The following MAST4 variants were observed in gnomAD, a reference collection of about 807,000 sequenced individuals.
The protein encoded by MAST4 is microtubule associated serine/threonine kinase family member 4, also known as microtubule-associated serine/threonine-protein kinase 4.
A neutral mutation model predicts 162.7 loss-of-function variants in MAST4; 89 were observed. The ratio of observed to expected loss-of-function variants is 0.55; its 90% CI spans 0.46 to 0.65. The LOEUF is 0.65. Ranked by LOEUF, MAST4 falls within the 30% of genes least tolerant of loss-of-function variation. The pLI, the probability that MAST4 is intolerant of heterozygous loss-of-function variation, is 0.00. For synonymous variants in MAST4, 1,479 were observed against 1,361.1 expected (o/e 1.09, Z -1.91); for missense variants, 3,153 against 3,374.0 (o/e 0.93, Z 1.62).
At chr5:66,982,029 A>G (rs1248180049) in intron 4 of MAST4, among the ~76,000 whole-genome samples, 1 of 152,220 alleles carries the variant, frequency 6.6e-6, no homozygotes, top group African/African-American at 2.4e-5. Context: ...GGGAATAGGT[A>G]GAATAGGTAG....
rs962786428 is a variant in MAST4 at position 66,931,016 on chromosome 5, C to T, written c.674+31034C>T. The T allele has an allele frequency of 3.2e-5, 6 of 185,108 alleles. No individual in the cohort carries two copies. In the Admixed American group the frequency reaches 3.5e-4, roughly 11 times the overall value. The allele number at this position is 185,108 out of a possible 1,614,324, so 11.5% of individuals were successfully genotyped here. A position where few individuals can be genotyped will look rare whatever the true frequency, so the allele number is the denominator to read the frequency against. On this transcript the variant is annotated intron_variant, in intron 4 of 28. Transcript: ENST00000403625. Reference sequence around the variant, plus strand: ...CTGCATCTTTGGATTTACAGCCCACCCTCAGAGATGAAGATTTTCTTGGAG... The same window carrying T: ...CTGCATCTTTGGATTTACAGCCCACTCTCAGAGATGAAGATTTTCTTGGAG...
At chr5:66,607,685 C>T (rs1232438980) in intron 1 of MAST4, among the ~76,000 whole-genome samples, 1 of 152,180 alleles carries the variant, frequency 6.6e-6, no homozygotes, top group Non-Finnish European at 1.5e-5. Context: ...ATCTGAACTC[C>T]TGCCTTGGCT....
chr5:66,812,779 T>C (rs1383625170), intron 3 of MAST4, among the ~76,000 whole-genome samples: 2 of 152,228 alleles, frequency 1.3e-5, no homozygotes, highest in Non-Finnish European at 2.9e-5. Flanking sequence ...CAGTGGGTTT[T>C]GGGAGCTGGT....
chr5:66,678,815 G>A (rs985782484), intron 1 of MAST4, among the ~76,000 whole-genome samples: 4 of 146,646 alleles, frequency 2.7e-5, no homozygotes, highest in Non-Finnish European at 6.0e-5. Context: ...TTTTTGAGAC[G>A]GAGGCTCACT....
At chr5:67,003,304 G>A (rs1385240109) in intron 4 of MAST4, among the ~76,000 whole-genome samples, 1 of 152,138 alleles carries the variant, frequency 6.6e-6, no homozygotes, top group African/African-American at 2.4e-5. Context: ...TGGAGGCTCT[G>A]TAAGAATGTG....
rs1159540624 is a variant in MAST4, at chr5:66,700,798, TATACACAC to T, written c.364-58909_364-58902del. On this transcript the variant is annotated intron_variant, in intron 1 of 28. Coordinates refer to ENST00000403625, the MANE Select transcript of MAST4 (RefSeq NM_001164664.2). ...AAAAAAAATTATATATATATATATA[TATACACAC>T]ACACACACACACACACACACATATA... is the stretch of plus-strand genomic sequence containing the variant. Among the ~76,000 whole-genome samples, 685 of 136,208 alleles carry T rather than the reference TATACACAC, an allele frequency of 5.0e-3. 3 individuals carry two copies. The highest frequency in any genetic ancestry group is 0.017 in the African/African-American group (623 of 37,602). 89.4% of individuals were successfully genotyped at this position (136,208 alleles called of 152,430 possible).
chr5:66,726,913 C>T (rs532109452), intron 1 of MAST4, among the ~76,000 whole-genome samples: 2 of 152,096 alleles, frequency 1.3e-5, no homozygotes, highest in East Asian at 3.9e-4. Flanking sequence ...AGGTTGGGGA[C>T]TGTTGAAATA....
intron 3 of MAST4, among the ~76,000 whole-genome samples, chr5:66,834,521 G>A (rs976781480): frequency 3.9e-5 from 6 of 152,200 alleles, no homozygotes; most frequent in African/African-American, 1.4e-4. Context: ...AGCATGGGGT[G>A]GAGAGTAGTT....
chr5:66,743,491 G>A (rs1752583491), intron 1 of MAST4, among the ~76,000 whole-genome samples: 1 of 152,246 alleles, frequency 6.6e-6, no homozygotes, highest in Non-Finnish European at 1.5e-5. Context: ...CAGAGGTGGG[G>A]CGGGCATTTG....
chr5:67,025,794 T>C (rs1167132022), intron 4 of MAST4, among the ~76,000 whole-genome samples: 1 of 152,016 alleles, frequency 6.6e-6, no homozygotes, highest in African/African-American at 2.4e-5. Flanking sequence ...AGGAGTAGAG[T>C]AATTATCACC....
At chr5:66,613,157 C>G (rs1324432099) in intron 1 of MAST4, among the ~76,000 whole-genome samples, 2 of 152,166 alleles carry the variant, frequency 1.3e-5, no homozygotes, top group Non-Finnish European at 2.9e-5. Context: ...CTCAAGCAAT[C>G]TTCTTGCCTT....
chr5:66,830,655 C>T (rs1004921147), intron 3 of MAST4, among the ~76,000 whole-genome samples: 3 of 152,142 alleles, frequency 2.0e-5, no homozygotes, highest in Non-Finnish European at 4.4e-5. Context: ...TGGCTTAATA[C>T]AAAACCTATT....
intron 3 of MAST4, among the ~76,000 whole-genome samples, chr5:66,799,226 T>C (rs1444740434): frequency 6.6e-6 from 1 of 152,212 alleles, no homozygotes; most frequent in African/African-American, 2.4e-5. Flanking sequence ...TATGTAACTC[T>C]CTTCTCTGCC....
At chr5:66,846,837 C>T (rs984360867) in intron 3 of MAST4, among the ~76,000 whole-genome samples, 1 of 152,094 alleles carries the variant, frequency 6.6e-6, no homozygotes, top group Non-Finnish European at 1.5e-5. Flanking sequence ...GTGTCTGGAA[C>T]ATTTATTAAT....
chr5:66,995,931 G>A (rs1750587555), intron 4 of MAST4, among the ~76,000 whole-genome samples: 2 of 150,656 alleles, frequency 1.3e-5, no homozygotes, highest in Admixed American at 1.3e-4. Context: ...AAAAAAACAT[G>A]AGAAGTATAA....
chr5:66,989,792 A>G (rs1749880138), intron 4 of MAST4, among the ~76,000 whole-genome samples: 1 of 152,180 alleles, frequency 6.6e-6, no homozygotes, highest in Non-Finnish European at 1.5e-5. Flanking sequence ...ATATAAAGGA[A>G]CTTTAAAACT....
At chr5:67,054,122 G>C (rs1279985233) in intron 4 of MAST4, among the ~76,000 whole-genome samples, 2 of 152,138 alleles carry the variant, frequency 1.3e-5, no homozygotes, top group Non-Finnish European at 2.9e-5. Context: ...TGTGTGTATG[G>C]CATGTTACAT....
chr5:67,090,327 GTCCCCACTTCTCCCCC>G (rs1350033728), intron 6 of MAST4, 96 bp downstream of exon 6: 14 of 523,060 alleles, frequency 2.7e-5, no homozygotes, highest in Non-Finnish European at 4.1e-5. Context: ...ACTTCTTCCC[GTCCCCACTTCTCCCCC>G]TCCCCACTTC....
intron 4 of MAST4, chr5:66,963,954 A>T: frequency 1.4e-6 from 1 of 708,680 alleles, no homozygotes; most frequent in Middle Eastern, 2.3e-4. Flanking sequence ...TCTATTTAGC[A>T]TATTTACTCA....
Sources: allele counts gnomAD v4.1 joint callset (sites outside exome capture counted in the v4.1 genomes callset), GRCh38; gene constraint gnomAD v4.1.1; transcripts MANE v1.5; gene names NCBI Gene and HGNC (gene_info 2026-07-23, HGNC 2026-07-21).